The following TTBK1 variants were observed in gnomAD, a reference collection of about 807,000 sequenced individuals.
TTBK1 encodes the protein tau tubulin kinase 1.
TTBK1 carries 34 observed loss-of-function variants against 108.5 expected under a neutral mutation model. That is an observed-to-expected ratio of 0.31 (90% CI 0.24 to 0.42). The LOEUF is 0.42. TTBK1 is among the 10% of genes least tolerant of loss of function. The pLI, the probability that TTBK1 is intolerant of heterozygous loss-of-function variation, is 1.00. For missense variants in TTBK1, 1,539 were observed against 1,826.0 expected (o/e 0.84, Z 2.86); for synonymous variants, 809 against 795.1 (o/e 1.02, Z -0.29).
chr6:43,249,300 G>A (rs1392402386), intron 2 of TTBK1, among the ~76,000 whole-genome samples: 3 of 152,102 alleles, frequency 2.0e-5, no homozygotes, highest in African/African-American at 7.2e-5. Flanking sequence ...CGATCCTATT[G>A]TGTCATATTT....
At chr6:43,254,214 A>G (rs1427904668) in intron 5 of TTBK1, among the ~76,000 whole-genome samples, 1 of 152,240 alleles carries the variant, frequency 6.6e-6, no homozygotes, top group Admixed American at 6.5e-5. Flanking sequence ...CAGCCACACC[A>G]GTTACACCAA....
Position 43,259,092 on chromosome 6 carries a change from T to C in TTBK1, c.1071T>C (p.Asp357=), listed in dbSNP as rs1371513775. The change falls in exon 11 of 15, where the codon GAT becomes GAC. Residue 357 remains aspartate, a synonymous_variant. Transcript: ENST00000259750. This position sits in a 1 kb window ranked among gnomAD's most constrained non-coding sequence, Gnocchi z 6.7. ...PGDLLRENTE[D]VLQGEHLSDQ... ...ACCTGCTCCGGGAGAACACCGAGGA[T>C]GTGCTACAGGGAGAGCACCTGAGTG... is the stretch of plus-strand genomic sequence containing the variant. The C allele has an allele frequency of 6.2e-7, 1 of 1,614,100 alleles. No individual in the cohort carries two copies. The highest frequency in any genetic ancestry group is 2.2e-5 in the East Asian group (1 of 44,882).
At position 43,273,810 on chromosome 6, in the gene TTBK1, C is replaced by T. The variant is rs1294598544; in HGVS notation, c.1987-8917C>T. Reference sequence around the variant, plus strand: ...TTAAAAAGAAAAATCACTGTATGAACCAAACCAAAATGGTTTACAGGCAGA... The same window carrying T: ...TTAAAAAGAAAAATCACTGTATGAATCAAACCAAAATGGTTTACAGGCAGA... On this transcript the variant is annotated intron_variant, in intron 13 of 14. Transcript: ENST00000259750. This position sits in a 1 kb window ranked among gnomAD's most constrained non-coding sequence, Gnocchi z 4.2. 6.6e-6 allele frequency among the ~76,000 whole-genome samples: 1 copy of T among 152,190 alleles called. No homozygotes were observed. The highest frequency in any genetic ancestry group is 2.4e-5 in the African/African-American group (1 of 41,434).
Position 43,262,957 on chromosome 6 carries a change from G to T in TTBK1, c.1593G>T (p.Pro531=). The change falls in exon 13 of 15, where the codon CCG becomes CCT. Residue 531 remains proline (P), a synonymous_variant. Transcript: ENST00000259750. ...TGAGCAACGCCTTCCGCTCGGTGCC[G>T]CTGGCTGAGGAGGAGGATTTCGACA... The part of the protein sequence containing the change: ...EALSNAFRSV[P]LAEEEDFDSK... The T allele has an allele frequency of 6.2e-7, 1 of 1,613,702 alleles. No individual in the cohort carries two copies. The highest frequency in any genetic ancestry group is 8.5e-7 in the Non-Finnish European group (1 of 1,179,820).
At chr6:43,261,743 G>A (rs140185809) in intron 12 of TTBK1, among the ~76,000 whole-genome samples, 5,338 of 151,578 alleles carry the variant, frequency 0.035, 116 homozygotes, top group Middle Eastern at 0.078. Flanking sequence ...TGAACCTGGG[G>A]GGTGGAGGTT....
chr6:43,277,591 A>AGTGG (rs1778038047), intron 13 of TTBK1, among the ~76,000 whole-genome samples: 1 of 152,180 alleles, frequency 6.6e-6, no homozygotes, highest in Non-Finnish European at 1.5e-5. Flanking sequence ...TGTGGGGTCA[A>AGTGG]GTGGGTGTGG....
At chr6:43,274,189 A>G (rs959071046) in intron 13 of TTBK1, among the ~76,000 whole-genome samples, 2 of 152,232 alleles carry the variant, frequency 1.3e-5, no homozygotes, top group African/African-American at 4.8e-5. Flanking sequence ...GGTCACAGCA[A>G]TAACCACTGA....
At position 43,259,874 on chromosome 6, in the gene TTBK1, C is replaced by G. The variant is rs1215957338; in HGVS notation, c.1424+168C>G. Among the ~76,000 whole-genome samples, 3 of 152,176 alleles carry G rather than the reference C, an allele frequency of 2.0e-5. No individual in the cohort carries two copies. The highest frequency in any genetic ancestry group is 4.4e-5 in the Non-Finnish European group (3 of 68,024). On this transcript the variant is annotated intron_variant, in intron 12 of 14. Coordinates refer to ENST00000259750, the MANE Select transcript of TTBK1 (RefSeq NM_032538.3). The surrounding 1 kb of genome is among the most constrained non-coding windows in gnomAD (Gnocchi z 6.7). ...GACTCAGTTGGGGCCAGAGACAGGG[C>G]CTGGGAGAACCAGTGGGGGATCCAG...
At position 43,243,703 on chromosome 6, in the gene TTBK1, G is replaced by T; in HGVS notation, c.-60G>T. On this transcript the variant is annotated 5_prime_UTR_variant, in exon 1 of 15. Coordinates refer to ENST00000259750, the MANE Select transcript of TTBK1 (RefSeq NM_032538.3). The surrounding 1 kb of genome is among the most constrained non-coding windows in gnomAD (Gnocchi z 5.5). ...CGCAGCCGCAGCCGCAGCGGGCACA[G>T]AGCAGGTGAGGCGGGGCGGGGCGGG... 1.3e-5 allele frequency: 2 copies of T among 152,278 alleles called. No homozygotes were observed. The highest frequency in any genetic ancestry group is 3.7e-4 in the South Asian group (2 of 5,458). The allele number at this position is 152,278 out of a possible 1,614,324, so 9.4% of individuals were successfully genotyped here. A position where few individuals can be genotyped will look rare whatever the true frequency, so the allele number is the denominator to read the frequency against.
chr6:43,272,028 C>T, intron 13 of TTBK1: 1 of 985,462 alleles, frequency 1.0e-6, no homozygotes, highest in Non-Finnish European at 1.2e-6. Flanking sequence ...ACAAAAAGCA[C>T]AAAGGTGAGG....
chr6:43,259,402 C>T lies in TTBK1; in HGVS notation c.1249-129C>T, dbSNP rs78816834. On this transcript the variant is annotated intron_variant, in intron 11 of 14. Coordinates refer to ENST00000259750, the MANE Select transcript of TTBK1 (RefSeq NM_032538.3). The surrounding 1 kb of genome is among the most constrained non-coding windows in gnomAD (Gnocchi z 6.7). ...GCCTGCTTGCCCTGCCTCTGTTTCC[C>T]GGTCCCTCCCCGCACTAGCCTCGCT... 7,514 of 1,294,680 alleles carry T rather than the reference C, an allele frequency of 5.8e-3. 248 individuals carry two copies. In the East Asian group the frequency reaches 0.09, roughly 15 times the overall value. 80.2% of individuals were successfully genotyped at this position (1,294,680 alleles called of 1,614,324 possible).
Position 43,283,011 on chromosome 6 carries a change from AGAG to A in TTBK1, c.2280_2282del (p.Glu771del), listed in dbSNP as rs769722334. 6.3e-6 allele frequency: 10 copies of A among 1,595,708 alleles called. No individual in the cohort carries two copies. The South Asian group carries it at 7.8e-5, about 13-fold the overall frequency. The stretch of plus-strand genomic sequence containing the variant: ...AGGAAGAAGAAGAGGAGGAAGAGGA[AGAG>A]GAGGAGGAAGAAGAGGAGGAGGAGG... On this transcript the variant is annotated inframe_deletion, in exon 14 of 15. Transcript: ENST00000259750. This position sits in a 1 kb window ranked among gnomAD's most constrained non-coding sequence, Gnocchi z 8.1.
At chr6:43,278,596 A>T (rs548320283) in intron 13 of TTBK1, among the ~76,000 whole-genome samples, 5 of 152,350 alleles carry the variant, frequency 3.3e-5, no homozygotes, top group African/African-American at 9.6e-5. Flanking sequence ...CAATAAGCAG[A>T]TTAGAATCAT....
At chr6:43,248,596 G>T (rs147053358) in intron 2 of TTBK1, among the ~76,000 whole-genome samples, 2 of 152,132 alleles carry the variant, frequency 1.3e-5, no homozygotes, top group Non-Finnish European at 2.9e-5. Context: ...GGCAGTGGGC[G>T]CCTGTAATCC....
chr6:43,244,296 G>C (rs571835323), intron 1 of TTBK1, among the ~76,000 whole-genome samples: 49 of 151,952 alleles, frequency 3.2e-4, no homozygotes, highest in Non-Finnish European at 5.6e-4. Context: ...TCCTTACCTG[G>C]GCTCCCAGAT....
intron 13 of TTBK1, chr6:43,270,230 G>A (rs1365750822): frequency 7.9e-7 from 1 of 1,260,448 alleles, no homozygotes; most frequent in Non-Finnish European, 1.0e-6. Context: ...ACAGGGCAGG[G>A]GCGCTCAGCT....
In TTBK1 at chr6:43,259,667, T is replaced by C. The variant is rs2150692161; in HGVS notation, c.1385T>C (p.Leu462Pro). The C allele has an allele frequency of 1.2e-6, 2 of 1,606,354 alleles. No individual in the cohort carries two copies. The highest frequency in any genetic ancestry group is 1.7e-4 in the Middle Eastern group (1 of 6,038). The change falls in exon 12 of 15, where the codon CTG becomes CCG. Residue 462 changes from leucine to proline, a missense_variant. Physicochemically the swap from Leu to Pro is moderately conservative, Grantham distance 98. Around this residue, in one of 5 missense-constraint regions of TTBK1, gnomAD observed 277 missense variants for 332.4 expected, o/e 0.83. Coordinates refer to ENST00000259750, the MANE Select transcript of TTBK1 (RefSeq NM_032538.3). The surrounding 1 kb of genome is among the most constrained non-coding windows in gnomAD (Gnocchi z 6.7). ...RRVNSPESER[L>P]STADGRVELP... ...GTGAACAGCCCTGAGTCAGAAAGGCTGTCCACGGCGGACGGGCGAGTGGAG... is the reference window on the plus strand; with the variant it reads ...GTGAACAGCCCTGAGTCAGAAAGGCCGTCCACGGCGGACGGGCGAGTGGAG...
rs777575780 is a variant in TTBK1, at chr6:43,253,346, T to C, written c.312T>C (p.Tyr104=). The change falls in exon 4 of 15, where the codon TAT becomes TAC. Residue 104 remains tyrosine, a synonymous_variant. Coordinates refer to ENST00000259750, the MANE Select transcript of TTBK1 (RefSeq NM_032538.3). The surrounding 1 kb of genome is among the most constrained non-coding windows in gnomAD (Gnocchi z 5.8). Reference sequence around the variant, plus strand: ...GTGGCAGGAACGAGAAGTTTAACTATGTAGTGATGCAGCTCCAGGTGAGTC... The same window carrying C: ...GTGGCAGGAACGAGAAGTTTAACTACGTAGTGATGCAGCTCCAGGTGAGTC... ...IGCGRNEKFN[Y]VVMQLQGRNL... is the part of the protein sequence containing the mutation. 19 of 1,613,990 alleles carry C rather than the reference T, an allele frequency of 1.2e-5. No homozygotes were observed. The African/African-American group carries it at 1.2e-4, about 10-fold the overall frequency.
chr6:43,282,412 G>C lies in TTBK1; in HGVS notation c.1987-315G>C, dbSNP rs1002866573. On this transcript the variant is annotated intron_variant, in intron 13 of 14. Transcript: ENST00000259750. This position sits in a 1 kb window ranked among gnomAD's most constrained non-coding sequence, Gnocchi z 5.4. ...GTGCAGGATGCACATGGCGATGAGA[G>C]GGGCTGGGGACATAGAGAGGCTGGG... is the stretch of plus-strand genomic sequence containing the variant. 6.6e-6 allele frequency among the ~76,000 whole-genome samples: 1 copy of C among 152,264 alleles called. No homozygotes were observed. Among genetic ancestry groups the C allele is most frequent in the Non-Finnish European group, 1.5e-5 (1 of 68,048 alleles).
Sources: gnomAD v4.1 joint callset for allele counts (sites outside exome capture counted in the v4.1 genomes callset) on GRCh38, gnomAD v4.1.1 for gene constraint, gnomAD v4.1.1 regional missense constraint, Gnocchi (gnomAD v3.1) non-coding constraint, MANE v1.5 for transcripts, NCBI Gene and HGNC (gene_info 2026-07-23, HGNC 2026-07-21) for gene names.